Variants in SGCZ observed in about 807,000 individuals in gnomAD.
SGCZ encodes the protein zeta-sarcoglycan.
Under a neutral mutation model 41.3 loss-of-function variants are expected in SGCZ, and 40 were observed. That is an observed-to-expected ratio of 0.97 (90% confidence interval 0.75 to 1.26). The LOEUF is 1.26. SGCZ is among the 50% of genes most tolerant of loss of function. The pLI is 0.00. For missense variants in SGCZ, 552 were observed against 369.8 expected, an observed-to-expected ratio of 1.49 and a Z score of -4.04; for synonymous variants, 206 against 137.5, an observed-to-expected ratio of 1.50 and a Z score of -3.49.
intron 2 of SGCZ, among the ~76,000 whole-genome samples, chr8:14,425,655 G>A (rs1799761273): frequency 6.6e-6 from 1 of 151,496 alleles, no homozygotes. Context: ...AAAAAGAAAA[G>A]TACATCTTAC....
At chr8:14,376,844 T>C (rs1229419871) in intron 2 of SGCZ, among the ~76,000 whole-genome samples, 2 of 152,222 alleles carry the variant, frequency 1.3e-5, no homozygotes, top group African/African-American at 4.8e-5. Flanking sequence ...CAATTAGGAT[T>C]TATTTATGTA....
At chr8:14,531,318 T>C (rs1803123979) in intron 2 of SGCZ, among the ~76,000 whole-genome samples, 1 of 152,072 alleles carries the variant, frequency 6.6e-6, no homozygotes, top group East Asian at 1.9e-4. Context: ...TTCCTGTTGC[T>C]CAATAAAATT....
chr8:14,704,866 TA>T (rs1323738615), intron 1 of SGCZ, among the ~76,000 whole-genome samples: 2 of 151,974 alleles, frequency 1.3e-5, no homozygotes, highest in African/African-American at 2.4e-5. Context: ...AATATATTGG[TA>T]AGCAAGCCAA....
intron 3 of SGCZ, among the ~76,000 whole-genome samples, chr8:14,282,977 G>C (rs1200034079): frequency 3.4e-5 from 5 of 147,384 alleles, no homozygotes; most frequent in African/African-American, 7.6e-5. Context: ...AGCCTCCCGA[G>C]TAGCTGGGAC....
chr8:14,715,027 G>A (rs146971672), intron 1 of SGCZ, among the ~76,000 whole-genome samples: 4 of 152,234 alleles, frequency 2.6e-5, no homozygotes, highest in Non-Finnish European at 5.9e-5. Flanking sequence ...AAGGATAGCA[G>A]TTGAGAGCAG....
chr8:14,711,994 C>T (rs1296463107), intron 1 of SGCZ, among the ~76,000 whole-genome samples: 1 of 152,110 alleles, frequency 6.6e-6, no homozygotes, highest in Admixed American at 6.6e-5. Flanking sequence ...CCAGGCCAGG[C>T]GTGGTGGCTC....
chr8:14,127,671 T>G (rs1006125910), intron 5 of SGCZ, among the ~76,000 whole-genome samples: 1 of 152,190 alleles, frequency 6.6e-6, no homozygotes, highest in Non-Finnish European at 1.5e-5. Flanking sequence ...TTAGCCAGGA[T>G]GGACTTGATC....
intron 1 of SGCZ, among the ~76,000 whole-genome samples, chr8:15,034,840 G>A (rs957718232): frequency 3.3e-5 from 5 of 152,164 alleles, no homozygotes; most frequent in African/African-American, 1.2e-4. Flanking sequence ...TGTCAACCAA[G>A]AATATTGTAT....
intron 1 of SGCZ, among the ~76,000 whole-genome samples, chr8:14,891,154 C>T (rs980978275): frequency 3.9e-5 from 6 of 152,144 alleles, no homozygotes; most frequent in East Asian, 1.9e-4. Context: ...ATAATTTCCA[C>T]ATTGAAGCCT....
chr8:15,079,802 G>C (rs1170827907), intron 1 of SGCZ, among the ~76,000 whole-genome samples: 1 of 152,138 alleles, frequency 6.6e-6, no homozygotes, highest in Non-Finnish European at 1.5e-5. Flanking sequence ...GTGACACTGA[G>C]GTTTGGGCTT....
At chr8:14,116,520 T>C (rs1802527957) in intron 5 of SGCZ, among the ~76,000 whole-genome samples, 1 of 152,120 alleles carries the variant, frequency 6.6e-6, no homozygotes, top group South Asian at 2.1e-4. Context: ...ACGTAAAAAC[T>C]GAAAGCCTCA....
At position 14,808,047 on chromosome 8, in the gene SGCZ, G is replaced by C. The variant is rs563818774; in HGVS notation, c.40-253121C>G. Among the ~76,000 whole-genome samples, 461 of 152,062 alleles carry C rather than the reference G, an allele frequency of 3.0e-3. 3 individuals carry two copies. The highest frequency in any genetic ancestry group is 0.011 in the African/African-American group (440 of 41,452). ...AGCCATATGTAGAAAGCTGAAACTG[G>C]ATCCCTTCCTTACACCTTATACAAA... On this transcript the variant is annotated intron_variant, in intron 1 of 7. Transcript: ENST00000382080.
intron 1 of SGCZ, among the ~76,000 whole-genome samples, chr8:14,959,915 G>A (rs893769948): frequency 1.3e-5 from 2 of 152,128 alleles, no homozygotes; most frequent in African/African-American, 4.8e-5. Context: ...GCTGAGGGAA[G>A]GTCAGTTTTA....
intron 1 of SGCZ, among the ~76,000 whole-genome samples, chr8:14,652,346 A>AG (rs200127643): frequency 0.43 from 21,573 of 50,278 alleles, 3,860 homozygotes; most frequent in Non-Finnish European, 0.52. Flanking sequence ...AAAAAAAAAA[A>AG]GGGGGGGGTG....
intron 1 of SGCZ, among the ~76,000 whole-genome samples, chr8:15,000,079 G>A (rs1040353823): frequency 6.6e-6 from 1 of 152,076 alleles, no homozygotes; most frequent in African/African-American, 2.4e-5. Context: ...CCTGACTGGT[G>A]CCTTATAGTG....
chr8:14,321,135 T>G (rs1201139144), intron 3 of SGCZ, among the ~76,000 whole-genome samples: 1 of 152,108 alleles, frequency 6.6e-6, no homozygotes, highest in East Asian at 1.9e-4. Flanking sequence ...TTACACATCT[T>G]TTGTATTGTT....
At chr8:14,694,738 A>T (rs2117580331) in intron 1 of SGCZ, among the ~76,000 whole-genome samples, 1 of 152,320 alleles carries the variant, frequency 6.6e-6, no homozygotes, top group East Asian at 1.9e-4. Flanking sequence ...TGGTTACTTA[A>T]AAGAAATAAC....
At position 14,232,009 on chromosome 8, in the gene SGCZ, T is replaced by C. The variant is rs141605216; in HGVS notation, c.424+5583A>G. On this transcript the variant is annotated intron_variant, in intron 4 of 7. Coordinates refer to ENST00000382080, the MANE Select transcript of SGCZ (RefSeq NM_139167.4). ...ACTTACATAGTTTTAAAAAGGAAGT[T>C]ATTTCACAACATGGATGCTATTATT... is the stretch of plus-strand genomic sequence containing the variant. 2.8e-4 allele frequency among the ~76,000 whole-genome samples: 42 copies of C among 152,064 alleles called. No homozygotes were observed. In the East Asian group the frequency reaches 7.9e-3, roughly 29 times the overall value.
intron 3 of SGCZ, 108 bp from the exon 4 acceptor site, chr8:14,237,787 T>G: frequency 2.0e-6 from 2 of 988,886 alleles, no homozygotes; most frequent in Admixed American, 4.0e-5. Flanking sequence ...ATTTGTTTGC[T>G]CTATATTAGA....
Sources: allele counts gnomAD v4.1 joint callset (sites outside exome capture counted in the v4.1 genomes callset), GRCh38; gene constraint gnomAD v4.1.1; transcripts MANE v1.5; gene names NCBI Gene and HGNC (gene_info 2026-07-23, HGNC 2026-07-21).